The following PPM1E variants were observed in gnomAD, a reference collection of about 807,000 sequenced individuals.
PPM1E encodes the protein protein phosphatase 1E.
PPM1E carries 20 observed loss-of-function variants against 65.9 expected under a neutral mutation model. That is an observed-to-expected ratio of 0.30 (90% CI 0.21 to 0.44). PPM1E has a LOEUF of 0.44. Among genes scored for constraint, PPM1E ranks in the 20% least tolerant of loss-of-function variants. PPM1E has a pLI of 1.00. For synonymous variants in PPM1E, 352 were observed against 374.9 expected (o/e 0.94, Z 0.70); for missense variants, 713 against 953.1 (o/e 0.75, Z 3.32).
At chr17:58,882,914 G>T (rs2051215655) in intron 1 of PPM1E, among the ~76,000 whole-genome samples, 1 of 142,012 alleles carries the variant, frequency 7.0e-6, no homozygotes, top group South Asian at 2.3e-4. Flanking sequence ...CCTCAACTTT[G>T]TCCTTCTCTT....
At chr17:58,936,653 G>A (rs960506910) in intron 1 of PPM1E, among the ~76,000 whole-genome samples, 2 of 152,138 alleles carry the variant, frequency 1.3e-5, no homozygotes, top group African/African-American at 4.8e-5. Context: ...TCCTGGCTTG[G>A]TTTATAACAA....
intron 1 of PPM1E, among the ~76,000 whole-genome samples, chr17:58,822,009 C>T (rs1375461864): frequency 1.3e-5 from 2 of 152,084 alleles, no homozygotes; most frequent in South Asian, 2.1e-4. Flanking sequence ...AGCAAAATAT[C>T]GTTTTAAAGC....
At chr17:58,934,981 G>A (rs1237900655) in intron 1 of PPM1E, among the ~76,000 whole-genome samples, 1 of 150,700 alleles carries the variant, frequency 6.6e-6, no homozygotes, top group Non-Finnish European at 1.5e-5. Flanking sequence ...GGCCGGGCGC[G>A]GTGGCTCACG....
At position 58,966,020 on chromosome 17, in the gene PPM1E, A is replaced by C. The variant is rs952874187; in HGVS notation, c.783+127A>C. ...TCTCTGGTAGATTAGAGTAGGGCTA[A>C]GTGCAAAGTGGCACAAATTTGCAAC... On this transcript the variant is annotated intron_variant, in intron 3 of 6. Coordinates refer to ENST00000308249, the MANE Select transcript of PPM1E (RefSeq NM_014906.5). The C allele has an allele frequency of 8.1e-6, 8 of 982,758 alleles. No individual in the cohort carries two copies. In the African/African-American group the frequency reaches 1.3e-4, roughly 16 times the overall value. The allele number at this position is 982,758 out of a possible 1,614,324, so 60.9% of individuals were successfully genotyped here. A position where few individuals can be genotyped will look rare whatever the true frequency, so the allele number is the denominator to read the frequency against.
At position 58,981,088 on chromosome 17, in the gene PPM1E, T is replaced by C; in HGVS notation, c.*57T>C. On this transcript the variant is annotated 3_prime_UTR_variant, in exon 7 of 7. Coordinates refer to ENST00000308249, the MANE Select transcript of PPM1E (RefSeq NM_014906.5). ...CCCAATAAAAATACCACTATCAGAGTAGAAACAAGGTAGACATTTCTAAAA... is the reference window on the plus strand; with the variant it reads ...CCCAATAAAAATACCACTATCAGAGCAGAAACAAGGTAGACATTTCTAAAA... 1 of 1,236,594 alleles carries C rather than the reference T, an allele frequency of 8.1e-7. No homozygotes were observed. Among genetic ancestry groups the C allele is most frequent in the Non-Finnish European group, 1.1e-6 (1 of 882,448 alleles). 76.6% of individuals were successfully genotyped at this position (1,236,594 alleles called of 1,614,324 possible). A position where few individuals can be genotyped will look rare whatever the true frequency, so the allele number is the denominator to read the frequency against.
intron 1 of PPM1E, among the ~76,000 whole-genome samples, chr17:58,796,669 A>G (rs2050209554): frequency 6.6e-6 from 1 of 152,234 alleles, no homozygotes; most frequent in African/African-American, 2.4e-5. Flanking sequence ...TTTGAGGCAT[A>G]TGGAAAAATT....
rs2031472587 is a variant in PPM1E, at chr17:58,983,143, TC to T, written c.*2113del. ...TAGAACTGGGACAAACACAGACCCA[TC>T]TTTAGGGGTCTGGATTTTGTAGGTC... On this transcript the variant is annotated 3_prime_UTR_variant, in exon 7 of 7. Coordinates refer to ENST00000308249, the MANE Select transcript of PPM1E (RefSeq NM_014906.5). 2.1e-6 allele frequency: 1 copy of T among 479,490 alleles called. No homozygotes were observed. The highest frequency in any genetic ancestry group is 3.2e-5 in the East Asian group (1 of 30,814). The allele number at this position is 479,490 out of a possible 1,614,324, so 29.7% of individuals were successfully genotyped here.
intron 1 of PPM1E, among the ~76,000 whole-genome samples, chr17:58,834,000 T>C (rs564664227): frequency 6.6e-6 from 1 of 152,330 alleles, no homozygotes; most frequent in South Asian, 2.1e-4. Context: ...ATTAGTGATG[T>C]GGAGCATTTT....
chr17:58,870,571 T>C (rs2051058374), intron 1 of PPM1E, among the ~76,000 whole-genome samples: 1 of 152,194 alleles, frequency 6.6e-6, no homozygotes, highest in South Asian at 2.1e-4. Context: ...AGTGAGAACA[T>C]GCAGTATTTG....
chr17:58,972,747 G>C, intron 5 of PPM1E, 85 bp from the exon 6 acceptor site: 1 of 1,199,538 alleles, frequency 8.3e-7, no homozygotes, highest in Non-Finnish European at 1.2e-6. Flanking sequence ...GAGCTGATGA[G>C]TATTATATCT....
At chr17:58,814,634 G>A (rs181991259) in intron 1 of PPM1E, among the ~76,000 whole-genome samples, 1 of 152,288 alleles carries the variant, frequency 6.6e-6, no homozygotes, top group East Asian at 1.9e-4. Context: ...ATTATTCCAG[G>A]GGTGGTGTTC....
intron 1 of PPM1E, among the ~76,000 whole-genome samples, chr17:58,903,638 C>G (rs372489057): frequency 6.6e-6 from 1 of 152,290 alleles, no homozygotes; most frequent in East Asian, 1.9e-4. Flanking sequence ...TGCACACCCA[C>G]AGACATAAAC....
intron 1 of PPM1E, among the ~76,000 whole-genome samples, chr17:58,822,324 A>C (rs1202974426): frequency 7.2e-6 from 1 of 138,236 alleles, no homozygotes; most frequent in African/African-American, 2.6e-5. Context: ...GTCTGAATTT[A>C]TTTTTATTTA....
intron 1 of PPM1E, among the ~76,000 whole-genome samples, chr17:58,817,649 T>G (rs757742016): frequency 7.9e-5 from 12 of 152,174 alleles, no homozygotes; most frequent in Non-Finnish European, 1.5e-4. Context: ...CTATTAACAG[T>G]TAACACTAGG....
chr17:58,815,909 A>G (rs1355989826), intron 1 of PPM1E, among the ~76,000 whole-genome samples: 8 of 152,182 alleles, frequency 5.3e-5, no homozygotes, highest in Non-Finnish European at 1.0e-4. Context: ...CCCTTACTCC[A>G]TATAGAACTA....
chr17:58,855,120 C>T (rs1192947170), intron 1 of PPM1E, among the ~76,000 whole-genome samples: 1 of 152,146 alleles, frequency 6.6e-6, no homozygotes, highest in Non-Finnish European at 1.5e-5. Context: ...CAAATTCTCA[C>T]AGTGAATATG....
intron 1 of PPM1E, among the ~76,000 whole-genome samples, chr17:58,795,771 A>G (rs1355902194): frequency 2.0e-5 from 3 of 152,084 alleles, no homozygotes; most frequent in Admixed American, 6.6e-5. Context: ...TTTGACTTGC[A>G]TTTCTCTAAT....
At chr17:58,910,998 C>T (rs2051620871) in intron 1 of PPM1E, among the ~76,000 whole-genome samples, 2 of 152,138 alleles carry the variant, frequency 1.3e-5, no homozygotes, top group African/African-American at 4.8e-5. Flanking sequence ...GGAGGTGAAA[C>T]TCACAAAAGT....
At chr17:58,792,991 G>A (rs1207670226) in intron 1 of PPM1E, among the ~76,000 whole-genome samples, 3 of 151,836 alleles carry the variant, frequency 2.0e-5, no homozygotes, top group Middle Eastern at 3.4e-3. Context: ...CTCATGATCC[G>A]CCCGCCTTGG....
Sources: allele counts gnomAD v4.1 joint callset (sites outside exome capture counted in the v4.1 genomes callset), GRCh38; gene constraint gnomAD v4.1.1; transcripts MANE v1.5; gene names NCBI Gene and HGNC (gene_info 2026-07-23, HGNC 2026-07-21).